Variants in ANXA4 observed in about 807,000 individuals in gnomAD.
ANXA4 encodes the protein annexin A4.
ANXA4 carries 39 observed loss-of-function variants against 49.8 expected under a neutral mutation model. That is an observed-to-expected ratio of 0.78 (90% confidence interval 0.61 to 1.02). The LOEUF is 1.02. Ranked by LOEUF, ANXA4 falls within the 50% of genes least tolerant of loss-of-function variation. The probability of loss-of-function intolerance (pLI) is 0.00; values close to 1 mark genes in which losing one functional copy is unlikely to be tolerated. For missense variants in ANXA4, 360 were observed against 410.1 expected, an observed-to-expected ratio of 0.88 and a Z score of 1.05; for synonymous variants, 134 against 152.5, an observed-to-expected ratio of 0.88 and a Z score of 0.89.
intron 1 of ANXA4, chr2:69,781,089 C>A: frequency 6.1e-6 from 1 of 164,048 alleles, no homozygotes; most frequent in Non-Finnish European, 1.3e-5. Context: ...CAAACACACT[C>A]ACACAGATGC....
At chr2:69,701,305 C>A (rs1044892057) in intron 2 of ANXA4, among the ~76,000 whole-genome samples, 1 of 152,108 alleles carries the variant, frequency 6.6e-6, no homozygotes, top group African/African-American at 2.4e-5. Flanking sequence ...ATCTCCAGAA[C>A]TCTTTTCCTC....
intron 1 of ANXA4, among the ~76,000 whole-genome samples, chr2:69,646,177 A>G (rs1676003319): frequency 6.6e-6 from 1 of 152,208 alleles, no homozygotes. Flanking sequence ...CAGCTATAAA[A>G]CCAGAGCTCT....
chr2:69,793,142 C>T (rs1483527098), intron 3 of ANXA4, among the ~76,000 whole-genome samples: 1 of 151,700 alleles, frequency 6.6e-6, no homozygotes, highest in East Asian at 1.9e-4. Flanking sequence ...ATCCCAGCTA[C>T]TCAGGAGGCT....
chr2:69,648,839 A>C (rs1389605509), intron 1 of ANXA4, among the ~76,000 whole-genome samples: 1 of 150,300 alleles, frequency 6.7e-6, no homozygotes, highest in Non-Finnish European at 1.5e-5. Context: ...AAAAAAAAAA[A>C]AAAGACGTTT....
rs564653072 is a variant in ANXA4, at chr2:69,708,677, A to G, written n.767-12097A>G. On this transcript the variant is annotated intron_variant and non_coding_transcript_variant, in intron 2 of 3. Transcript: ENST00000418066. ...TTCTGAGGACCACATGCCCTTGAAG[A>G]AAGCTTTGCCCCTTTCCTCTCTGAA... is the stretch of plus-strand genomic sequence containing the variant. Among the ~76,000 whole-genome samples, 13 of 152,266 alleles carry G rather than the reference A, an allele frequency of 8.5e-5. No homozygotes were observed. In the South Asian group the frequency reaches 2.7e-3, roughly 32 times the overall value.
chr2:69,682,190 T>C (rs1273451045), intron 2 of ANXA4, among the ~76,000 whole-genome samples: 2 of 152,180 alleles, frequency 1.3e-5, no homozygotes, highest in African/African-American at 4.8e-5. Context: ...CATCTTTAGA[T>C]CATTTATTTG....
At chr2:69,708,981 C>T (rs1016884477) in intron 2 of ANXA4, among the ~76,000 whole-genome samples, 16 of 152,038 alleles carry the variant, frequency 1.1e-4, no homozygotes, top group African/African-American at 3.6e-4. Flanking sequence ...TCTCTTAGGT[C>T]ACTCATCAGC....
rs994978491 is a variant in ANXA4 at position 69,667,090 on chromosome 2, A to T, written n.766+13808A>T. ...AAATAAAATGAAATAAAATAAAATA[A>T]AATAAAATAGTAAAATAAGCAACTC... On this transcript the variant is annotated intron_variant and non_coding_transcript_variant, in intron 2 of 3. Coordinates refer to the ANXA4 transcript ENST00000418066. 7.9e-5 allele frequency among the ~76,000 whole-genome samples: 12 copies of T among 151,862 alleles called. No homozygotes were observed. The East Asian group carries it at 1.7e-3, about 22-fold the overall frequency.
In ANXA4 at chr2:69,824,674, C is replaced by T. The variant is rs145577277; in HGVS notation, c.907-782C>T. Among the ~76,000 whole-genome samples, 332 of 152,102 alleles carry T rather than the reference C, an allele frequency of 2.2e-3. 1 individual carries two copies. The highest frequency in any genetic ancestry group is 7.4e-3 in the African/African-American group (307 of 41,514). ...AAATTGAAACAACGTAAATATCCAA[C>T]AATAGGGAGAGGGAGGATGTGATCA... On this transcript the variant is annotated intron_variant, in intron 12 of 12. Transcript: ENST00000394295.
At chr2:69,753,184 C>T (rs1438722040) in intron 1 of ANXA4, among the ~76,000 whole-genome samples, 2 of 152,206 alleles carry the variant, frequency 1.3e-5, no homozygotes, top group Non-Finnish European at 2.9e-5. Context: ...CCATCTTTCT[C>T]TTGCCATGCC....
At chr2:69,698,621 G>C (rs940420141) in intron 2 of ANXA4, among the ~76,000 whole-genome samples, 4 of 152,100 alleles carry the variant, frequency 2.6e-5, no homozygotes, top group Non-Finnish European at 5.9e-5. Context: ...CTGCGTTGTC[G>C]GCTCTGACTA....
chr2:69,661,332 G>A (rs1676710636), intron 2 of ANXA4, among the ~76,000 whole-genome samples: 1 of 151,962 alleles, frequency 6.6e-6, no homozygotes, highest in South Asian at 2.1e-4. Context: ...GAAATGCAAT[G>A]CAAGAAACTA....
intron 2 of ANXA4, among the ~76,000 whole-genome samples, chr2:69,657,289 C>T (rs1213025245): frequency 6.6e-6 from 1 of 152,068 alleles, no homozygotes; most frequent in Non-Finnish European, 1.5e-5. Context: ...CCACCGTGCC[C>T]AGCACACTAC....
intron 2 of ANXA4, among the ~76,000 whole-genome samples, chr2:69,712,746 C>G (rs183971118): frequency 2.2e-4 from 33 of 152,308 alleles, no homozygotes; most frequent in Non-Finnish European, 2.9e-5. Flanking sequence ...AACAGGACCT[C>G]CCATTTGGCA....
intron 3 of ANXA4, among the ~76,000 whole-genome samples, chr2:69,790,301 C>G (rs1471544534): frequency 2.0e-5 from 3 of 152,046 alleles, no homozygotes; most frequent in Non-Finnish European, 4.4e-5. Context: ...TTTCTTCTGG[C>G]TACTTCCTGC....
intron 3 of ANXA4, among the ~76,000 whole-genome samples, chr2:69,723,022 A>AAT (rs550066124): frequency 0.022 from 3,140 of 145,394 alleles, 56 homozygotes; most frequent in East Asian, 0.072. Context: ...AATACCAAAA[A>AAT]ATATATATAT....
Position 69,660,836 on chromosome 2 carries a change from A to G in ANXA4, n.766+7554A>G, listed in dbSNP as rs563440273. 2.0e-5 allele frequency among the ~76,000 whole-genome samples: 3 copies of G among 152,228 alleles called. No individual in the cohort carries two copies. In the South Asian group the frequency reaches 6.2e-4, roughly 32 times the overall value. On this transcript the variant is annotated intron_variant and non_coding_transcript_variant, in intron 2 of 3. Coordinates refer to the ANXA4 transcript ENST00000418066. The stretch of plus-strand genomic sequence containing the variant: ...AAGTTGAGATATGGAAGATAGGAAC[A>G]TACTCAAAATAGAAGGGAGAGATAA...
chr2:69,671,757 G>C (rs79893827), intron 2 of ANXA4, among the ~76,000 whole-genome samples: 10,928 of 152,070 alleles, frequency 0.072, 1,164 homozygotes, highest in East Asian at 0.39. Context: ...TATGAATTGT[G>C]AATAAGTACA....
At chr2:69,726,436 T>G (rs903074563) in intron 3 of ANXA4, among the ~76,000 whole-genome samples, 4 of 152,224 alleles carry the variant, frequency 2.6e-5, no homozygotes, top group African/African-American at 9.7e-5. Flanking sequence ...GGAGTTTAAC[T>G]CATTTGTCAG....
Sources: gnomAD v4.1 joint callset for allele counts (sites outside exome capture counted in the v4.1 genomes callset) on GRCh38, gnomAD v4.1.1 for gene constraint, MANE v1.5 for transcripts, NCBI Gene and HGNC (gene_info 2026-07-23, HGNC 2026-07-21) for gene names.